Variants in SPON1 observed in about 807,000 individuals in gnomAD.
SPON1 encodes the protein spondin 1, also known as spondin-1.
A neutral mutation model predicts 111.7 loss-of-function variants in SPON1; 52 were observed. That is an observed-to-expected ratio of 0.47 (90% CI 0.37 to 0.59). SPON1 has a LOEUF of 0.59. Among genes scored for constraint, SPON1 ranks in the 20% least tolerant of loss-of-function variants. The pLI is 0.00. For missense variants in SPON1, 957 were observed against 1,068.5 expected (o/e 0.90, Z 1.46); for synonymous variants, 410 against 395.8 (o/e 1.04, Z -0.43).
At chr11:14,015,379 A>T (rs971175801) in intron 2 of SPON1, among the ~76,000 whole-genome samples, 4 of 152,168 alleles carry the variant, frequency 2.6e-5, no homozygotes, top group Admixed American at 6.5e-5. Flanking sequence ...TAATATAAGC[A>T]GTTTCATCTC....
chr11:14,045,627 T>TATAA (rs59710561), intron 3 of SPON1, among the ~76,000 whole-genome samples: 53,300 of 147,832 alleles, frequency 0.36, 10,329 homozygotes, highest in South Asian at 0.54. Context: ...TTTTAATATA[T>TATAA]ATATTATATT....
chr11:13,991,561 C>T (rs1332737455), intron 2 of SPON1, among the ~76,000 whole-genome samples: 2 of 152,210 alleles, frequency 1.3e-5, no homozygotes, highest in Non-Finnish European at 2.9e-5. Flanking sequence ...TACCCGCCTT[C>T]TGAAGCCTAC....
chr11:14,153,988 C>T (rs1200748414), intron 6 of SPON1, among the ~76,000 whole-genome samples: 1 of 152,216 alleles, frequency 6.6e-6, no homozygotes, highest in Non-Finnish European at 1.5e-5. Flanking sequence ...GTCTCACATC[C>T]AGGCCATACT....
chr11:14,016,525 A>G (rs1848445223), intron 2 of SPON1, among the ~76,000 whole-genome samples: 1 of 152,210 alleles, frequency 6.6e-6, no homozygotes, highest in Non-Finnish European at 1.5e-5. Context: ...TTAGCAGTCA[A>G]CTGAACATAC....
chr11:14,166,592 A>G (rs1390019745), intron 6 of SPON1, among the ~76,000 whole-genome samples: 1 of 152,220 alleles, frequency 6.6e-6, no homozygotes, highest in Non-Finnish European at 1.5e-5. Context: ...GACCAAAACA[A>G]GACAAAATGT....
Position 13,968,181 on chromosome 11 carries a change from G to A in SPON1, c.238+5039G>A, listed in dbSNP as rs566456340. ...ATCAATTTCTGTTGTGAGGTGGGGG[G>A]ACTCTTACCATGTTATATTAGTCAT... On this transcript the variant is annotated intron_variant, in intron 1 of 15. Coordinates refer to ENST00000576479, the MANE Select transcript of SPON1 (RefSeq NM_006108.4). Among the ~76,000 whole-genome samples the A allele has an allele frequency of 5.9e-5, 9 of 152,190 alleles. No individual in the cohort carries two copies. The South Asian group carries it at 1.7e-3, about 28-fold the overall frequency.
chr11:14,102,723 C>A (rs1564905853), intron 5 of SPON1, among the ~76,000 whole-genome samples: 1 of 152,314 alleles, frequency 6.6e-6, no homozygotes, highest in South Asian at 2.1e-4. Flanking sequence ...ACTATGTAGA[C>A]TCTCCTTCTG....
At chr11:14,235,637 C>CTGTA (rs1554939138) in intron 6 of SPON1, among the ~76,000 whole-genome samples, 2 of 136,522 alleles carry the variant, frequency 1.5e-5, no homozygotes, top group East Asian at 4.4e-4. Context: ...CATGATTATG[C>CTGTA]CCCTGTACTC....
chr11:14,015,066 T>C (rs1237997871), intron 2 of SPON1, among the ~76,000 whole-genome samples: 2 of 152,242 alleles, frequency 1.3e-5, no homozygotes, highest in African/African-American at 4.8e-5. Context: ...CAACATAGTC[T>C]ACTTAACCTC....
intron 2 of SPON1, among the ~76,000 whole-genome samples, chr11:13,988,824 G>C (rs1554910732): frequency 2.0e-5 from 3 of 152,078 alleles, no homozygotes; most frequent in Non-Finnish European, 4.4e-5. Flanking sequence ...TTTTGTCATT[G>C]GTTCTGTTTA....
intron 7 of SPON1, among the ~76,000 whole-genome samples, chr11:14,246,676 T>TC (rs1564940381): frequency 6.6e-6 from 1 of 151,230 alleles, no homozygotes; most frequent in South Asian, 2.1e-4. Flanking sequence ...GATAGGAGGG[T>TC]CCCCCCAAAA....
At chr11:14,138,134 A>C (rs139636634) in intron 6 of SPON1, among the ~76,000 whole-genome samples, 71 of 152,292 alleles carry the variant, frequency 4.7e-4, no homozygotes, top group African/African-American at 1.7e-3. Context: ...TCACTTTGTC[A>C]AAGAACCTGA....
rs1849264034 is a variant in SPON1 at position 14,266,062 on chromosome 11, G to GAAAC, written c.*377_*380dup. On this transcript the variant is annotated 3_prime_UTR_variant, in exon 16 of 16. Coordinates refer to ENST00000576479, the MANE Select transcript of SPON1 (RefSeq NM_006108.4). ...CTGAGTCCCAGGGTGCGGCAGGTAG[G>GAAAC]AAACATTCACAGATGAAGACAGCAG... 1 of 174,894 alleles carries GAAAC rather than the reference G, an allele frequency of 5.7e-6. No individual in the cohort carries two copies. Among genetic ancestry groups the GAAAC allele is most frequent in the South Asian group, 1.5e-4 (1 of 6,798 alleles). 10.8% of individuals were successfully genotyped at this position (174,894 alleles called of 1,614,324 possible).
chr11:14,035,614 CT>C (rs57790720), intron 2 of SPON1, among the ~76,000 whole-genome samples: 4,606 of 132,120 alleles, frequency 0.035, 92 homozygotes, highest in African/African-American at 0.053. Context: ...ACACTTAGTT[CT>C]TTTTTTTTTT....
At chr11:14,169,764 A>G (rs1554932239) in intron 6 of SPON1, among the ~76,000 whole-genome samples, 1 of 152,140 alleles carries the variant, frequency 6.6e-6, no homozygotes, top group African/African-American at 2.4e-5. Context: ...TCCTTTCCCC[A>G]TTGCTTGTTT....
At chr11:14,153,940 A>G (rs1385686146) in intron 6 of SPON1, among the ~76,000 whole-genome samples, 1 of 152,236 alleles carries the variant, frequency 6.6e-6, no homozygotes. Flanking sequence ...GGCAGTCATT[A>G]AATCTCAAAG....
chr11:14,000,288 A>C (rs1473906089), intron 2 of SPON1, among the ~76,000 whole-genome samples: 1 of 152,070 alleles, frequency 6.6e-6, no homozygotes, highest in Non-Finnish European at 1.5e-5. Flanking sequence ...TTCTGCTCAA[A>C]TGTCACTTTT....
At chr11:14,156,966 G>A (rs1847855461) in intron 6 of SPON1, among the ~76,000 whole-genome samples, 1 of 152,148 alleles carries the variant, frequency 6.6e-6, no homozygotes, top group Non-Finnish European at 1.5e-5. Flanking sequence ...CTCCAACATT[G>A]AAGATTACAA....
chr11:14,264,047 A>G (rs1173474877), intron 15 of SPON1, among the ~76,000 whole-genome samples: 1 of 151,826 alleles, frequency 6.6e-6, no homozygotes, highest in Non-Finnish European at 1.5e-5. Context: ...AAAAAAAAAA[A>G]AAGAAAAGTA....
Sources: allele counts gnomAD v4.1 joint callset (sites outside exome capture counted in the v4.1 genomes callset), GRCh38; gene constraint gnomAD v4.1.1; transcripts MANE v1.5; gene names NCBI Gene and HGNC (gene_info 2026-07-23, HGNC 2026-07-21).